PAPPA2: variants seen among roughly 807,000 people sequenced by gnomAD.
PAPPA2 encodes pappalysin 2, also known as pappalysin-2.
PAPPA2 carries 86 observed loss-of-function variants against 176.4 expected under a neutral mutation model. That is an observed-to-expected ratio of 0.49 (90% CI 0.41 to 0.58). PAPPA2 has a LOEUF of 0.58. PAPPA2 is among the 20% of genes least tolerant of loss of function. PAPPA2 has a pLI of 0.00. For synonymous variants in PAPPA2, 809 were observed against 852.2 expected, an observed-to-expected ratio of 0.95 and a Z score of 0.88; for missense variants, 2,073 against 2,256.9, an observed-to-expected ratio of 0.92 and a Z score of 1.65.
At chr1:176,650,898 G>A (rs1657683124) in intron 3 of PAPPA2, among the ~76,000 whole-genome samples, 1 of 151,546 alleles carries the variant, frequency 6.6e-6, no homozygotes, top group Non-Finnish European at 1.5e-5. Context: ...GCCACATGAG[G>A]CTTCAAGAAA....
chr1:176,595,658 T>C, intron 3 of PAPPA2, 63 bp downstream of exon 3: 1 of 1,491,070 alleles, frequency 6.7e-7, no homozygotes, highest in South Asian at 1.3e-5. Flanking sequence ...ATTTTATCTG[T>C]TTGGTTTTGG....
Position 176,710,192 on chromosome 1 carries a change from TG to T in PAPPA2, c.3651+17del. On this transcript the variant is annotated intron_variant, in intron 11 of 22. Transcript: ENST00000367662. ...TCATTCCCTAGTAAGTTAAGCCAGA[TG>T]AATAGAGTCGAGCCTGCGCAAAATT... is the stretch of plus-strand genomic sequence containing the variant. 1 of 1,610,878 alleles carries T rather than the reference TG, an allele frequency of 6.2e-7. No individual in the cohort carries two copies. The highest frequency in any genetic ancestry group is 8.5e-7 in the Non-Finnish European group (1 of 1,178,138).
At chr1:176,612,962 G>A (rs996816953) in intron 3 of PAPPA2, among the ~76,000 whole-genome samples, 1 of 152,144 alleles carries the variant, frequency 6.6e-6, no homozygotes, top group Non-Finnish European at 1.5e-5. Flanking sequence ...CTCTGAGACC[G>A]GAAGGAAGGA....
intron 2 of PAPPA2, among the ~76,000 whole-genome samples, chr1:176,560,204 AT>A (rs1651582017): frequency 6.6e-6 from 1 of 152,186 alleles, no homozygotes. Context: ...CAAAAGTGAC[AT>A]TTTTGGGGTT....
chr1:176,758,798 T>C (rs1255423843), intron 14 of PAPPA2, among the ~76,000 whole-genome samples: 1 of 152,224 alleles, frequency 6.6e-6, no homozygotes, highest in African/African-American at 2.4e-5. Context: ...AGAAACTCTT[T>C]CTTGAGTTCT....
chr1:176,605,230 T>C (rs1323345250), intron 3 of PAPPA2, among the ~76,000 whole-genome samples: 1 of 152,000 alleles, frequency 6.6e-6, no homozygotes, highest in Non-Finnish European at 1.5e-5. Flanking sequence ...AAGACCAGAC[T>C]CCAAAAAAGG....
intron 14 of PAPPA2, among the ~76,000 whole-genome samples, chr1:176,762,478 C>T (rs144540158): frequency 6.2e-4 from 94 of 152,272 alleles, no homozygotes; most frequent in African/African-American, 1.9e-3. Context: ...ATTAATTGGA[C>T]GAAGTCACTC....
chr1:176,556,083 C>T lies in PAPPA2; in HGVS notation c.-240C>T, dbSNP rs1482642462. On this transcript the variant is annotated 5_prime_UTR_variant, in exon 2 of 23. The change creates a premature stop within an existing upstream ORF in the 5' untranslated region. Coordinates refer to ENST00000367662, the MANE Select transcript of PAPPA2 (RefSeq NM_020318.3). ...GTACAGCAAGAGGAGAGAGGTCAAG[C>T]GAGAAGCGTGCGGGAAGCACATGCC... 1.9e-5 allele frequency: 10 copies of T among 538,844 alleles called. No individual in the cohort carries two copies. Among genetic ancestry groups the T allele is most frequent in the South Asian group, 1.4e-4 (5 of 36,516 alleles). The allele number at this position is 538,844 out of a possible 1,614,324, so 33.4% of individuals were successfully genotyped here. A position where few individuals can be genotyped will look rare whatever the true frequency, so the allele number is the denominator to read the frequency against.
chr1:176,609,193 T>G (rs2102674663), intron 3 of PAPPA2, among the ~76,000 whole-genome samples: 1 of 152,304 alleles, frequency 6.6e-6, no homozygotes, highest in Non-Finnish European at 1.5e-5. Context: ...TAGATTATGG[T>G]TTTTGCTCCA....
At chr1:176,548,540 C>T (rs950634126) in intron 1 of PAPPA2, among the ~76,000 whole-genome samples, 1 of 152,120 alleles carries the variant, frequency 6.6e-6, no homozygotes, top group South Asian at 2.1e-4. Flanking sequence ...TTTTGTCATG[C>T]TGGGAGTCAA....
At position 176,492,843 on chromosome 1, in the gene PAPPA2, A is replaced by G. The variant is rs577455207; in HGVS notation, c.-917+29425A>G. On this transcript the variant is annotated intron_variant, in intron 1 of 22. Transcript: ENST00000367662. ...CCTTGGCTTGGTGGATAGAGTGAGTATTATCCTTAAGAGAACTGAAGAACA... is the reference window on the plus strand; with the variant it reads ...CCTTGGCTTGGTGGATAGAGTGAGTGTTATCCTTAAGAGAACTGAAGAACA... Among the ~76,000 whole-genome samples the G allele has an allele frequency of 5.9e-5, 9 of 152,328 alleles. No homozygotes were observed. The East Asian group carries it at 1.7e-3, about 29-fold the overall frequency.
At chr1:176,613,263 T>C (rs1655030531) in intron 3 of PAPPA2, among the ~76,000 whole-genome samples, 1 of 152,234 alleles carries the variant, frequency 6.6e-6, no homozygotes, top group Non-Finnish European at 1.5e-5. Context: ...TGTAAACCTC[T>C]AAGGAGGTGC....
chr1:176,690,380 G>A lies in PAPPA2; in HGVS notation c.2381G>A (p.Gly794Asp), dbSNP rs780449067. ...REPEPTSDTC[G>D]FTRFPGAPFT... is the part of the protein sequence containing the mutation. ...CCAGAGCCCACTAGTGACACCTGTG[G>A]CTTCACTCGCTTCCCAGGGGCTCCG... is the stretch of plus-strand genomic sequence containing the variant. The change falls in exon 5 of 23, where the codon GGC becomes GAC. Residue 794 changes from glycine (G) to aspartate (D), a missense_variant. Gly to Asp is a moderately conservative substitution (Grantham distance 94). Around this residue, in one of 4 missense-constraint regions of PAPPA2, gnomAD observed 1,196 missense variants for 1,330.4 expected, o/e 0.90. Coordinates refer to ENST00000367662, the MANE Select transcript of PAPPA2 (RefSeq NM_020318.3). The A allele has an allele frequency of 6.2e-7, 1 of 1,614,152 alleles. No homozygotes were observed. The highest frequency in any genetic ancestry group is 8.5e-7 in the Non-Finnish European group (1 of 1,180,026).
rs1413549229 is a variant in PAPPA2 at position 176,739,654 on chromosome 1, G to A, written c.3827G>A (p.Arg1276Lys). The A allele has an allele frequency of 1.2e-6, 2 of 1,613,694 alleles. No homozygotes were observed. The highest frequency in any genetic ancestry group is 1.7e-6 in the Non-Finnish European group (2 of 1,179,720). ...TGTTTCAATAGACCAGGAGAGGCCA[G>A]AGCAATTTTTATTTTTTTGACAACT... is the stretch of plus-strand genomic sequence containing the variant. ...KVCFNRPGEA[R>K]AIFIFLTTDG... Residue 1276 changes from arginine to lysine, a missense_variant, in exon 13 of 23, where the codon AGA becomes AAA. Coordinates refer to ENST00000367662, the MANE Select transcript of PAPPA2 (RefSeq NM_020318.3).
intron 21 of PAPPA2, among the ~76,000 whole-genome samples, chr1:176,809,660 T>G (rs1666057693): frequency 6.6e-6 from 1 of 151,912 alleles, no homozygotes; most frequent in African/African-American, 2.4e-5. Context: ...AAATTGAGGG[T>G]TTTCGTACCA....
chr1:176,830,453 A>C (rs992776646), intron 21 of PAPPA2, among the ~76,000 whole-genome samples: 2 of 152,190 alleles, frequency 1.3e-5, no homozygotes, highest in Admixed American at 6.5e-5. Flanking sequence ...CAGAAAAGAG[A>C]CAAAAATGGA....
chr1:176,727,488 G>A (rs1661936485), intron 12 of PAPPA2, among the ~76,000 whole-genome samples: 1 of 151,928 alleles, frequency 6.6e-6, no homozygotes, highest in African/African-American at 2.4e-5. Flanking sequence ...ATGATAAATA[G>A]GTTAATTTCT....
At chr1:176,729,931 T>C (rs1188409441) in intron 12 of PAPPA2, among the ~76,000 whole-genome samples, 1 of 152,038 alleles carries the variant, frequency 6.6e-6, no homozygotes, top group Non-Finnish European at 1.5e-5. Flanking sequence ...TTTTCTCCTT[T>C]GATTCATAAT....
At chr1:176,492,004 T>C (rs1232315142) in intron 1 of PAPPA2, among the ~76,000 whole-genome samples, 1 of 152,206 alleles carries the variant, frequency 6.6e-6, no homozygotes, top group East Asian at 1.9e-4. Context: ...GCTTGTGGTT[T>C]TATGTCCACA....
Sources: allele counts gnomAD v4.1 joint callset (sites outside exome capture counted in the v4.1 genomes callset), GRCh38; gene constraint gnomAD v4.1.1; regional missense constraint gnomAD v4.1.1; transcripts MANE v1.5; gene names NCBI Gene and HGNC (gene_info 2026-07-23, HGNC 2026-07-21).